NXPH4: variants seen among roughly 807,000 people sequenced by gnomAD.
NXPH4 encodes the protein neurexophilin 4.
In NXPH4, 8 loss-of-function variants were observed where a neutral mutation model predicts 21.3. That is an observed-to-expected ratio of 0.38 (90% confidence interval 0.22 to 0.68). The LOEUF (loss-of-function observed/expected upper bound fraction) is 0.68. Ranked by LOEUF, NXPH4 falls within the 30% of genes least tolerant of loss-of-function variation. NXPH4 has a pLI of 0.53. For synonymous variants in NXPH4, 219 were observed against 192.6 expected (o/e 1.14, Z -1.13); for missense variants, 418 against 416.8 (o/e 1.00, Z -0.03).
Position 57,226,082 on chromosome 12 carries a change from T to C in NXPH4, c.*335T>C. ...CCTTGGCGCTAGGCTGCGCACTCCC[T>C]TTCCCCGCAGCTTTAATAACTCCTG... On this transcript the variant is annotated 3_prime_UTR_variant, in exon 2 of 2. Transcript: ENST00000349394. 3.7e-6 allele frequency: 2 copies of C among 544,976 alleles called. No homozygotes were observed. Among genetic ancestry groups the C allele is most frequent in the Non-Finnish European group, 6.0e-6 (2 of 332,678 alleles). 33.8% of individuals were successfully genotyped at this position (544,976 alleles called of 1,614,324 possible).
intron 1 of NXPH4, among the ~76,000 whole-genome samples, chr12:57,220,435 C>T (rs531155010): frequency 0.013 from 2,004 of 152,258 alleles, 32 homozygotes; most frequent in Middle Eastern, 0.058. Context: ...GCGGGGACCG[C>T]GCTGGCTCCA....
intron 1 of NXPH4, among the ~76,000 whole-genome samples, chr12:57,223,172 A>G (rs1208683677): frequency 6.6e-6 from 1 of 152,172 alleles, no homozygotes; most frequent in Non-Finnish European, 1.5e-5. Context: ...TTCTATGACT[A>G]CGGATACACC....
At chr12:57,221,023 C>CA (rs1486304320) in intron 1 of NXPH4, among the ~76,000 whole-genome samples, 1 of 152,094 alleles carries the variant, frequency 6.6e-6, no homozygotes, top group African/African-American at 2.4e-5. Flanking sequence ...GTCTCTGCCC[C>CA]ACGCCTGGCC....
intron 1 of NXPH4, among the ~76,000 whole-genome samples, chr12:57,224,191 T>C (rs999058062): frequency 4.6e-5 from 7 of 152,128 alleles, no homozygotes; most frequent in African/African-American, 1.7e-4. Context: ...AATGGTGCGA[T>C]CTAGGCTTAC....
intron 1 of NXPH4, among the ~76,000 whole-genome samples, chr12:57,217,796 C>T (rs1188381522): frequency 6.6e-6 from 1 of 152,252 alleles, no homozygotes; most frequent in Non-Finnish European, 1.5e-5. Flanking sequence ...AACCTGCGAA[C>T]ATGCTGTGCT....
At chr12:57,217,463 C>A (rs1051831215) in intron 1 of NXPH4, among the ~76,000 whole-genome samples, 1 of 152,236 alleles carries the variant, frequency 6.6e-6, no homozygotes, top group African/African-American at 2.4e-5. Flanking sequence ...TGTCACCATG[C>A]CAGGTGGGCT....
intron 1 of NXPH4, chr12:57,219,799 A>C (rs2037073263): frequency 1.3e-5 from 2 of 152,264 alleles, no homozygotes; most frequent in Non-Finnish European, 2.9e-5. Flanking sequence ...TCCTAATAGG[A>C]GGGGCATGCG....
intron 1 of NXPH4, among the ~76,000 whole-genome samples, chr12:57,220,272 A>G (rs2037078039): frequency 6.7e-6 from 1 of 149,668 alleles, no homozygotes; most frequent in Non-Finnish European, 1.5e-5. Flanking sequence ...CACCCCGCCC[A>G]CTCCCCCTCC....
chr12:57,218,173 G>A (rs2037058045), intron 1 of NXPH4, among the ~76,000 whole-genome samples: 1 of 152,192 alleles, frequency 6.6e-6, no homozygotes, highest in East Asian at 1.9e-4. Flanking sequence ...TAGAAGGGGT[G>A]TATTTCTTCC....
At chr12:57,224,128 C>T (rs1486185060) in intron 1 of NXPH4, among the ~76,000 whole-genome samples, 2 of 150,708 alleles carry the variant, frequency 1.3e-5, no homozygotes, top group Non-Finnish European at 2.9e-5. Flanking sequence ...TTTTTCTTTT[C>T]TTTTCTTTTT....
chr12:57,221,797 G>A (rs952350918), intron 1 of NXPH4, among the ~76,000 whole-genome samples: 1 of 152,186 alleles, frequency 6.6e-6, no homozygotes, highest in African/African-American at 2.4e-5. Context: ...ATGGAGGTGG[G>A]CGACAAGAGC....
In NXPH4 at chr12:57,226,423, G is replaced by A. The variant is rs2037150529; in HGVS notation, c.*676G>A. On this transcript the variant is annotated 3_prime_UTR_variant, in exon 2 of 2. Coordinates refer to ENST00000349394, the MANE Select transcript of NXPH4 (RefSeq NM_007224.4). ...TCTACGCCAAAACAGACGGGAAAGGGAACAAAATAAAGTGAAATCCAATAC... is the reference window on the plus strand; with the variant it reads ...TCTACGCCAAAACAGACGGGAAAGGAAACAAAATAAAGTGAAATCCAATAC... The A allele has an allele frequency of 6.3e-6, 1 of 159,314 alleles. No individual in the cohort carries two copies. Among genetic ancestry groups the A allele is most frequent in the East Asian group, 1.8e-4 (1 of 5,544 alleles). The allele number at this position is 159,314 out of a possible 1,614,324, so 9.9% of individuals were successfully genotyped here. A position where few individuals can be genotyped will look rare whatever the true frequency, so the allele number is the denominator to read the frequency against.
Position 57,226,265 on chromosome 12 carries a change from G to C in NXPH4, c.*518G>C. The C allele has an allele frequency of 3.3e-6, 1 of 302,246 alleles. No homozygotes were observed. Among genetic ancestry groups the C allele is most frequent in the Non-Finnish European group, 6.1e-6 (1 of 164,316 alleles). 18.7% of individuals were successfully genotyped at this position (302,246 alleles called of 1,614,324 possible). A position where few individuals can be genotyped will look rare whatever the true frequency, so the allele number is the denominator to read the frequency against. On this transcript the variant is annotated 3_prime_UTR_variant, in exon 2 of 2. Transcript: ENST00000349394. ...TCCCCTTTTCCTCCAAACCCTATTA[G>C]GGTACCGGAAGCAGAACCCCTGGGC...
intron 1 of NXPH4, chr12:57,221,331 C>T (rs1399719612): frequency 4.4e-6 from 2 of 455,852 alleles, no homozygotes; most frequent in Non-Finnish European, 8.8e-6. Flanking sequence ...GTCCCTTCCT[C>T]CGGCCAGATC....
At position 57,225,836 on chromosome 12, in the gene NXPH4, C is replaced by T; in HGVS notation, c.*89C>T. Reference sequence around the variant, plus strand: ...TCCCAGTGTTCTGCCGCTCCTGTGGCCATGTCGCCCACTCCTTCCACTCTG... The same window carrying T: ...TCCCAGTGTTCTGCCGCTCCTGTGGTCATGTCGCCCACTCCTTCCACTCTG... On this transcript the variant is annotated 3_prime_UTR_variant, in exon 2 of 2. Coordinates refer to ENST00000349394, the MANE Select transcript of NXPH4 (RefSeq NM_007224.4). The T allele has an allele frequency of 6.6e-7, 1 of 1,522,484 alleles. No homozygotes were observed. 94.3% of individuals were successfully genotyped at this position (1,522,484 alleles called of 1,614,324 possible). A position where few individuals can be genotyped will look rare whatever the true frequency, so the allele number is the denominator to read the frequency against.
At chr12:57,217,857 T>C (rs1405639883) in intron 1 of NXPH4, among the ~76,000 whole-genome samples, 1 of 152,256 alleles carries the variant, frequency 6.6e-6, no homozygotes, top group African/African-American at 2.4e-5. Flanking sequence ...TGTGTGCATG[T>C]GTCCAGGGAA....
chr12:57,225,900 C>G lies in NXPH4; in HGVS notation c.*153C>G. ...ATGGCTTCTCGGGACCCTCAGCTAG[C>G]GTGGGTGCCCTTTTCCTTATGCGGA... On this transcript the variant is annotated 3_prime_UTR_variant, in exon 2 of 2. Coordinates refer to ENST00000349394, the MANE Select transcript of NXPH4 (RefSeq NM_007224.4). 1 of 1,442,754 alleles carries G rather than the reference C, an allele frequency of 6.9e-7. No homozygotes were observed. The highest frequency in any genetic ancestry group is 2.8e-5 in the Admixed American group (1 of 35,732). The allele number at this position is 1,442,754 out of a possible 1,614,324, so 89.4% of individuals were successfully genotyped here.
chr12:57,225,922 C>T lies in NXPH4; in HGVS notation c.*175C>T, dbSNP rs2037142727. ...TAGCGTGGGTGCCCTTTTCCTTATGCGGAGTGCCCGCAAGGCTGGGGTAGC... is the reference window on the plus strand; with the variant it reads ...TAGCGTGGGTGCCCTTTTCCTTATGTGGAGTGCCCGCAAGGCTGGGGTAGC... On this transcript the variant is annotated 3_prime_UTR_variant, in exon 2 of 2. Transcript: ENST00000349394. 7 of 1,436,418 alleles carry T rather than the reference C, an allele frequency of 4.9e-6. No individual in the cohort carries two copies. The highest frequency in any genetic ancestry group is 6.4e-6 in the Non-Finnish European group (7 of 1,100,082). The allele number at this position is 1,436,418 out of a possible 1,614,324, so 89.0% of individuals were successfully genotyped here. A position where few individuals can be genotyped will look rare whatever the true frequency, so the allele number is the denominator to read the frequency against.
chr12:57,221,617 G>A, intron 1 of NXPH4: 1 of 311,858 alleles, frequency 3.2e-6, no homozygotes, highest in Non-Finnish European at 6.5e-6. Context: ...TGGGCCTGAA[G>A]GAGCCTGCTG....
Sources: allele counts gnomAD v4.1 joint callset (sites outside exome capture counted in the v4.1 genomes callset), GRCh38; gene constraint gnomAD v4.1.1; transcripts MANE v1.5; gene names NCBI Gene and HGNC (gene_info 2026-07-23, HGNC 2026-07-21).